Variants in JADE1 observed in about 807,000 individuals in gnomAD.
The protein encoded by JADE1 is protein Jade-1.
A neutral mutation model predicts 81.8 loss-of-function variants in JADE1; 14 were observed. That is an observed-to-expected ratio of 0.17 (90% CI 0.11 to 0.27). The LOEUF (loss-of-function observed/expected upper bound fraction) is 0.27. JADE1 is among the 10% of genes least tolerant of loss of function. JADE1 has a pLI of 1.00. For synonymous variants in JADE1, 353 were observed against 391.9 expected, an observed-to-expected ratio of 0.90 and a Z score of 1.17; for missense variants, 690 against 1,047.9, an observed-to-expected ratio of 0.66 and a Z score of 4.71.
chr4:128,828,281 G>A (rs1280072892), intron 1 of JADE1, among the ~76,000 whole-genome samples: 1 of 152,170 alleles, frequency 6.6e-6, no homozygotes, highest in African/African-American at 2.4e-5. Flanking sequence ...TTAGTAATTA[G>A]CCATTGCCCT....
Position 128,872,002 on chromosome 4 carries a change from G to T in JADE1, c.2269G>T (p.Gly757Trp). 1 of 1,613,946 alleles carries T rather than the reference G, an allele frequency of 6.2e-7. No individual in the cohort carries two copies. The highest frequency in any genetic ancestry group is 8.5e-7 in the Non-Finnish European group (1 of 1,179,926). Residue 757 changes from glycine to tryptophan, a missense_variant, in exon 11 of 11, where the codon GGG (glycine) becomes TGG (tryptophan). This residue lies in a region of JADE1 where 218 missense variants were observed against 274.3 expected (regional missense o/e 0.79). Coordinates refer to ENST00000226319, the MANE Select transcript of JADE1 (RefSeq NM_199320.4). ...GGGAGGATTCCGGATTCCAAAGAAG[G>T]GGGAACGGCAGCAGCAGGGAGAGGC... is the stretch of plus-strand genomic sequence containing the variant. ...NWGGFRIPKK[G>W]ERQQQGEAHD...
At chr4:128,860,479 C>G (rs1394469042) in intron 8 of JADE1, among the ~76,000 whole-genome samples, 1 of 152,166 alleles carries the variant, frequency 6.6e-6, no homozygotes, top group Non-Finnish European at 1.5e-5. Context: ...TGATGTGATT[C>G]AGGATCTGTT....
chr4:128,857,637 G>A (rs1473990279), intron 8 of JADE1, among the ~76,000 whole-genome samples, 183 bp downstream of exon 8: 1 of 152,138 alleles, frequency 6.6e-6, no homozygotes, highest in Non-Finnish European at 1.5e-5. Context: ...AACTGTATCC[G>A]GTGTAACTAG....
chr4:128,825,221 A>G (rs563309011), intron 1 of JADE1, among the ~76,000 whole-genome samples: 1 of 152,272 alleles, frequency 6.6e-6, no homozygotes, highest in African/African-American at 2.4e-5. Context: ...TTGTGTTTTT[A>G]GTAGAGACGG....
chr4:128,850,030 A>G (rs1317416226), intron 5 of JADE1, among the ~76,000 whole-genome samples: 1 of 152,162 alleles, frequency 6.6e-6, no homozygotes, highest in Non-Finnish European at 1.5e-5. Flanking sequence ...TTGTTGGCTC[A>G]TGTCTGTAAT....
rs1560738813 is a variant in JADE1 at position 128,831,755 on chromosome 4, G to A, written c.-4G>A. ...CAGGCTGCCTGCTGTTTCCCGGGGA[G>A]ATCATGAAACGAGGTCGCCTTCCCA... On this transcript the variant is annotated 5_prime_UTR_variant, in exon 2 of 11. Coordinates refer to ENST00000226319, the MANE Select transcript of JADE1 (RefSeq NM_199320.4). 6.2e-7 allele frequency: 1 copy of A among 1,614,196 alleles called. No individual in the cohort carries two copies. Among genetic ancestry groups the A allele is most frequent in the Non-Finnish European group, 8.5e-7 (1 of 1,180,032 alleles).
chr4:128,837,563 G>A (rs1308233960), intron 2 of JADE1, among the ~76,000 whole-genome samples: 6 of 152,106 alleles, frequency 3.9e-5, no homozygotes, highest in South Asian at 2.1e-4. Flanking sequence ...CTGTCATGCC[G>A]CTAAAACAAA....
Position 128,875,045 on chromosome 4 carries a change from A to G in JADE1, c.*2783A>G, listed in dbSNP as rs1423129473. 3.3e-5 allele frequency: 3 copies of G among 89,882 alleles called. No individual in the cohort carries two copies. The highest frequency in any genetic ancestry group is 1.1e-4 in the Admixed American group (1 of 9,240). 5.6% of individuals were successfully genotyped at this position (89,882 alleles called of 1,614,324 possible). On this transcript the variant is annotated 3_prime_UTR_variant, in exon 11 of 11. Transcript: ENST00000226319. ...TGCATGAAGAGTTAAAAATCAAATT[A>G]AAGTATATGTAGAGATGACTATTTT...
chr4:128,864,307 C>T, intron 9 of JADE1: 1 of 520,960 alleles, frequency 1.9e-6, no homozygotes, highest in Non-Finnish European at 2.5e-6. Flanking sequence ...GCCACCATGC[C>T]TGGCTAATTT....
chr4:128,858,396 C>T (rs1483040568), intron 8 of JADE1, among the ~76,000 whole-genome samples: 1 of 152,020 alleles, frequency 6.6e-6, no homozygotes, highest in Non-Finnish European at 1.5e-5. Context: ...GCACAGGCCA[C>T]AGGCTCTTCT....
At chr4:128,812,173 C>T (rs1205632636) in intron 1 of JADE1, among the ~76,000 whole-genome samples, 1 of 151,910 alleles carries the variant, frequency 6.6e-6, no homozygotes, top group Admixed American at 6.5e-5. Context: ...GCGGGGACGC[C>T]GCTGCGGAGG....
In JADE1 at chr4:128,868,784, G is replaced by T. The variant is rs951246432; in HGVS notation, c.1621+811G>T. 4.6e-5 allele frequency among the ~76,000 whole-genome samples: 7 copies of T among 152,328 alleles called. No individual in the cohort carries two copies. The Middle Eastern group carries it at 0.017, about 373-fold the overall frequency. ...ATAAGGATTTCAGAGAAGCAGAGCT[G>T]CTGAGTGTGGATCAGGCAGAATTAG... On this transcript the variant is annotated intron_variant, in intron 10 of 10. Coordinates refer to ENST00000226319, the MANE Select transcript of JADE1 (RefSeq NM_199320.4).
At chr4:128,854,569 C>T (rs2125873902) in intron 6 of JADE1, among the ~76,000 whole-genome samples, 1 of 152,272 alleles carries the variant, frequency 6.6e-6, no homozygotes, top group East Asian at 1.9e-4. Context: ...TGTGACTTTT[C>T]TTTGCTCAAC....
intron 2 of JADE1, among the ~76,000 whole-genome samples, chr4:128,842,589 C>T (rs1022458296): frequency 6.6e-6 from 1 of 152,186 alleles, no homozygotes; most frequent in Admixed American, 6.5e-5. Context: ...CGTGAGCCGC[C>T]ACCCCTGGCC....
chr4:128,850,068 C>G (rs1730217161), intron 5 of JADE1, among the ~76,000 whole-genome samples: 1 of 152,032 alleles, frequency 6.6e-6, no homozygotes, highest in Non-Finnish European at 1.5e-5. Context: ...CCAAGGTGGG[C>G]AGATCACCTG....
intron 10 of JADE1, among the ~76,000 whole-genome samples, chr4:128,869,816 GAGTAATGC>G (rs993304267): frequency 1.9e-4 from 29 of 152,176 alleles, no homozygotes; most frequent in African/African-American, 6.5e-4. Context: ...GGATTCTGTT[GAGTAATGC>G]AGTTGAAACC....
chr4:128,832,693 AG>A (rs903682738), intron 2 of JADE1, among the ~76,000 whole-genome samples: 8 of 152,200 alleles, frequency 5.3e-5, no homozygotes, highest in African/African-American at 1.9e-4. Context: ...GATTCAGAGG[AG>A]GGGAGGGCAG....
chr4:128,864,484 T>C, intron 9 of JADE1: 1 of 985,420 alleles, frequency 1.0e-6, no homozygotes. Context: ...AAAAATACGC[T>C]ACCCAAAATT....
In JADE1 at chr4:128,873,166, C is replaced by A. The variant is rs1579259455; in HGVS notation, c.*904C>A. 5.3e-6 allele frequency: 1 copy of A among 188,456 alleles called. No homozygotes were observed. Among genetic ancestry groups the A allele is most frequent in the South Asian group, 9.1e-5 (1 of 10,956 alleles). 11.7% of individuals were successfully genotyped at this position (188,456 alleles called of 1,614,324 possible). On this transcript the variant is annotated 3_prime_UTR_variant, in exon 11 of 11. Coordinates refer to ENST00000226319, the MANE Select transcript of JADE1 (RefSeq NM_199320.4). Reference sequence around the variant, plus strand: ...CAAGTTCAAGCGAAGAACTTCCAGACTCTGGTGACTGTTACTTCCCAGAGC... The same window carrying A: ...CAAGTTCAAGCGAAGAACTTCCAGAATCTGGTGACTGTTACTTCCCAGAGC...
Sources: allele counts gnomAD v4.1 joint callset (sites outside exome capture counted in the v4.1 genomes callset), GRCh38; gene constraint gnomAD v4.1.1; regional missense constraint gnomAD v4.1.1; transcripts MANE v1.5; gene names NCBI Gene and HGNC (gene_info 2026-07-23, HGNC 2026-07-21).